Variants in VIL1 observed in about 807,000 individuals in gnomAD.
VIL1 encodes the protein villin 1.
In VIL1, 86 loss-of-function variants were observed where a neutral mutation model predicts 104.0. The observed-to-expected ratio is 0.83, with a 90% CI of 0.69 to 0.99. The LOEUF (loss-of-function observed/expected upper bound fraction) is 0.99. Ranked by LOEUF, VIL1 falls within the 50% of genes least tolerant of loss-of-function variation. The pLI is 0.00. For missense variants in VIL1, 944 were observed against 1,054.1 expected (o/e 0.90, Z 1.45); for synonymous variants, 394 against 412.6 (o/e 0.95, Z 0.55).
chr2:218,436,641 C>T lies in VIL1; in HGVS notation c.1971+15C>T. ...TCTGGGACCAGGTAGGACCAAGGGC[C>T]TGGGGACCCCTCTTCCCAGCCACCT... On this transcript the variant is annotated intron_variant, in intron 16 of 19. Coordinates refer to ENST00000248444, the MANE Select transcript of VIL1 (RefSeq NM_007127.3). 1 of 1,610,012 alleles carries T rather than the reference C, an allele frequency of 6.2e-7. No individual in the cohort carries two copies. Among genetic ancestry groups the T allele is most frequent in the South Asian group, 1.1e-5 (1 of 90,428 alleles).
At chr2:218,425,157 T>C (rs1309782935) in intron 3 of VIL1, among the ~76,000 whole-genome samples, 1 of 152,258 alleles carries the variant, frequency 6.6e-6, no homozygotes. Flanking sequence ...CTTGGCTCAC[T>C]GCAAACTCTG....
chr2:218,420,336 C>T (rs1001283018), intron 1 of VIL1, among the ~76,000 whole-genome samples: 1 of 140,556 alleles, frequency 7.1e-6, no homozygotes, highest in African/African-American at 2.6e-5. Context: ...GGCTGAGGCA[C>T]GAGAATCGCT....
At chr2:218,424,437 G>A in intron 3 of VIL1, 86 bp downstream of exon 3, 1 of 1,430,830 alleles carries the variant, frequency 7.0e-7, no homozygotes, top group South Asian at 1.2e-5. Flanking sequence ...GCCGTGGGGA[G>A]AGTTGGCCTG....
rs776267848 is a variant in VIL1, at chr2:218,423,807, G to C, written c.29G>C (p.Gly10Ala). The change falls in exon 2 of 20, where the codon GGC becomes GCC. Residue 10 changes from glycine (G) to alanine (A), a missense_variant. By Grantham distance (60) the Gly-to-Ala change is moderately conservative. Transcript: ENST00000248444. MTKLSAQVK[G>A]SLNITTPGLQ... ...ACCAAGCTGAGCGCCCAAGTCAAAG[G>C]CTCTCTCAACATCACCACCCCGGGG... 46 of 1,614,110 alleles carry C rather than the reference G, an allele frequency of 2.8e-5. No individual in the cohort carries two copies. Among genetic ancestry groups the C allele is most frequent in the Middle Eastern group, 1.6e-4 (1 of 6,062 alleles).
At chr2:218,431,433 G>A (rs571153320) in intron 10 of VIL1, among the ~76,000 whole-genome samples, 10 of 150,890 alleles carry the variant, frequency 6.6e-5, no homozygotes, top group Middle Eastern at 3.5e-3. Context: ...CCTGAAAACC[G>A]AACAGCTTCA....
rs1419813993 is a variant in VIL1, at chr2:218,432,817, A to T, written c.1366A>T (p.Ile456Phe). The change falls in exon 13 of 20, where the codon ATT (isoleucine) becomes TTT (phenylalanine). Residue 456 changes from isoleucine to phenylalanine, a missense_variant. By Grantham distance (21) the Ile-to-Phe change is conservative. Coordinates refer to ENST00000248444, the MANE Select transcript of VIL1 (RefSeq NM_007127.3). ...WQGSQASQDEITASAYQAVIL... is the reference protein window; with the variant it reads ...WQGSQASQDEFTASAYQAVIL... ...GGGCAGCCAGGCCAGCCAAGATGAAATTACAGCATCAGCTTATCAAGCCGT... is the reference window on the plus strand; with the variant it reads ...GGGCAGCCAGGCCAGCCAAGATGAATTTACAGCATCAGCTTATCAAGCCGT... 6.2e-7 allele frequency: 1 copy of T among 1,614,068 alleles called. No individual in the cohort carries two copies. Among genetic ancestry groups the T allele is most frequent in the African/African-American group, 1.3e-5 (1 of 74,908 alleles).
intron 19 of VIL1, 61 bp downstream of exon 19, chr2:218,440,923 C>G: frequency 6.3e-7 from 1 of 1,593,730 alleles, no homozygotes; most frequent in Non-Finnish European, 8.6e-7. Flanking sequence ...ATAGTTGACT[C>G]CCAGATTTGG....
chr2:218,435,834 GGTTTT>G (rs1300769236), intron 15 of VIL1, among the ~76,000 whole-genome samples: 2 of 152,216 alleles, frequency 1.3e-5, no homozygotes, highest in African/African-American at 2.4e-5. Context: ...TCTTTCAAAT[GGTTTT>G]GTTTTGTTTT....
At chr2:218,435,680 A>G (rs1366969872) in intron 15 of VIL1, among the ~76,000 whole-genome samples, 1 of 152,152 alleles carries the variant, frequency 6.6e-6, no homozygotes, top group Non-Finnish European at 1.5e-5. Flanking sequence ...TTTCCTTGGC[A>G]AAGGGAATTC....
At chr2:218,424,747 C>T (rs1005046099) in intron 3 of VIL1, among the ~76,000 whole-genome samples, 1 of 152,116 alleles carries the variant, frequency 6.6e-6, no homozygotes, top group African/African-American at 2.4e-5. Context: ...ACCTCCACTT[C>T]CCGGGTTCAA....
chr2:218,443,071 A>AT (rs1689307934), intron 19 of VIL1, among the ~76,000 whole-genome samples: 1 of 152,192 alleles, frequency 6.6e-6, no homozygotes, highest in South Asian at 2.1e-4. Flanking sequence ...TACACCTGAG[A>AT]AAACTGAAGT....
At chr2:218,420,590 T>G (rs1323890688) in intron 1 of VIL1, among the ~76,000 whole-genome samples, 83 of 150,426 alleles carry the variant, frequency 5.5e-4, no homozygotes, top group South Asian at 1.7e-3. Context: ...TTTTTTTTTT[T>G]TTGTTTTTTT....
chr2:218,431,038 T>C, intron 10 of VIL1, 160 bp downstream of exon 10: 1 of 976,496 alleles, frequency 1.0e-6, no homozygotes. Flanking sequence ...GTGGACAAAC[T>C]CTAGTTGTCA....
chr2:218,421,008 AG>A (rs940829421), intron 1 of VIL1, among the ~76,000 whole-genome samples: 1 of 152,178 alleles, frequency 6.6e-6, no homozygotes, highest in African/African-American at 2.4e-5. Context: ...CCATGTGGTC[AG>A]GGGGCCAAGA....
Position 218,428,269 on chromosome 2 carries a change from C to T in VIL1, c.499C>T (p.Leu167Phe). The T allele has an allele frequency of 1.2e-6, 2 of 1,614,180 alleles. No individual in the cohort carries two copies. Among genetic ancestry groups the T allele is most frequent in the Non-Finnish European group, 1.7e-6 (2 of 1,180,026 alleles). ...GAGTTTCAACCGAGGGGATGTTTTC[C>T]TCCTGGACCTTGGGAAGCTTATCAT... ...WKSFNRGDVF[L>F]LDLGKLIIQW... The change falls in exon 6 of 20, where the codon CTC becomes TTC. Residue 167 changes from leucine (L) to phenylalanine (F), a missense_variant. By Grantham distance (22) the Leu-to-Phe change is conservative (BLOSUM62 0). Coordinates refer to ENST00000248444, the MANE Select transcript of VIL1 (RefSeq NM_007127.3).
chr2:218,429,623 T>A lies in VIL1; in HGVS notation c.797T>A (p.Val266Glu). ...YHVSDSEGNLVVREVATRPLT... is the reference protein window; with the variant it reads ...YHVSDSEGNLEVREVATRPLT... ...GTGTCTGACTCCGAGGGGAATCTGG[T>A]GGTGAGGGAAGTCGCCACACGGCCA... is the stretch of plus-strand genomic sequence containing the variant. Residue 266 changes from valine (V) to glutamate (E), a missense_variant, in exon 8 of 20, where the codon GTG becomes GAG. Val to Glu is a moderately radical substitution (Grantham distance 121). Coordinates refer to ENST00000248444, the MANE Select transcript of VIL1 (RefSeq NM_007127.3). 1 of 1,613,930 alleles carries A rather than the reference T, an allele frequency of 6.2e-7. No individual in the cohort carries two copies. Among genetic ancestry groups the A allele is most frequent in the South Asian group, 1.1e-5 (1 of 91,072 alleles).
chr2:218,440,460 C>A (rs891390796), intron 18 of VIL1, among the ~76,000 whole-genome samples: 1 of 152,020 alleles, frequency 6.6e-6, no homozygotes, highest in African/African-American at 2.4e-5. Flanking sequence ...AGTAGAGATG[C>A]GGTTTCACCA....
intron 9 of VIL1, 29 bp from the exon 10 acceptor site, chr2:218,430,696 T>C (rs1241186740): frequency 6.4e-7 from 1 of 1,555,064 alleles, no homozygotes; most frequent in Non-Finnish European, 8.7e-7. Flanking sequence ...GGGAGGTGCA[T>C]AGCTTCCAGC....
chr2:218,429,173 C>A, intron 6 of VIL1, 112 bp from the exon 7 acceptor site: 7 of 1,257,694 alleles, frequency 5.6e-6, no homozygotes, highest in Non-Finnish European at 5.6e-6. Flanking sequence ...GCAGGGGTCT[C>A]AACCCCTGTG....
Sources: gnomAD v4.1 joint callset for allele counts (sites outside exome capture counted in the v4.1 genomes callset) on GRCh38, gnomAD v4.1.1 for gene constraint, MANE v1.5 for transcripts, NCBI Gene and HGNC (gene_info 2026-07-23, HGNC 2026-07-21) for gene names.